ATF7: variants seen among roughly 807,000 people sequenced by gnomAD.
ATF7 encodes cyclic AMP-dependent transcription factor ATF-7.
In ATF7, 10 loss-of-function variants were observed where a neutral mutation model predicts 50.4. The observed-to-expected ratio is 0.20, with a 90% confidence interval of 0.12 to 0.34. The LOEUF (loss-of-function observed/expected upper bound fraction) is 0.34, where lower values mean the gene tolerates loss of function less well. ATF7 is among the 10% of genes least tolerant of loss of function. The pLI, the probability that ATF7 is intolerant of heterozygous loss-of-function variation, is 1.00. For synonymous variants in ATF7, 201 were observed against 226.4 expected, an observed-to-expected ratio of 0.89 and a Z score of 1.01; for missense variants, 465 against 613.9, an observed-to-expected ratio of 0.76 and a Z score of 2.56.
rs1383860323 is a variant in ATF7, at chr12:53,604,631, T to C, written c.-21-3610A>G. On this transcript the variant is annotated intron_variant, in intron 1 of 11. Transcript: ENST00000420353. ...TAGTAACCAACTGATGTTAATAAGA[T>C]GGCCCAACTCTAAGCAAGGAATAAA... Among the ~76,000 whole-genome samples, 6 of 152,312 alleles carry C rather than the reference T, an allele frequency of 3.9e-5. No homozygotes were observed. The East Asian group carries it at 9.6e-4, about 24-fold the overall frequency.
At chr12:53,597,726 G>A (rs142936212) in intron 2 of ATF7, among the ~76,000 whole-genome samples, 49 of 150,972 alleles carry the variant, frequency 3.2e-4, no homozygotes, top group African/African-American at 1.0e-3. Flanking sequence ...GGAGAATGGC[G>A]TGAACCCAGG....
intron 7 of ATF7, 117 bp downstream of exon 7, chr12:53,533,043 G>T: frequency 1.1e-6 from 1 of 907,090 alleles, no homozygotes; most frequent in Non-Finnish European, 1.7e-6. Context: ...GCCATGCTCA[G>T]CTAATATAGA....
chr12:53,585,577 A>T lies in ATF7; in HGVS notation c.48+15376T>A, dbSNP rs1284027340. Among the ~76,000 whole-genome samples, 3 of 152,340 alleles carry T rather than the reference A, an allele frequency of 2.0e-5. No homozygotes were observed. In the South Asian group the frequency reaches 6.2e-4, roughly 32 times the overall value. On this transcript the variant is annotated intron_variant, in intron 2 of 11. Transcript: ENST00000420353. The stretch of plus-strand genomic sequence containing the variant: ...ATGAAAAAAGAAAAGACTGAAAACC[A>T]CTAAGTAAATGTGAATAGCTTCTTG...
chr12:53,556,583 G>C (rs886600321), intron 2 of ATF7, among the ~76,000 whole-genome samples: 4 of 152,182 alleles, frequency 2.6e-5, no homozygotes, highest in Admixed American at 2.6e-4. Context: ...GGCAACAAGA[G>C]CAAGACTCCA....
intron 5 of ATF7, 116 bp from the exon 6 acceptor site, chr12:53,534,775 A>C (rs1170600206): frequency 8.6e-7 from 1 of 1,169,144 alleles, no homozygotes; most frequent in Non-Finnish European, 1.2e-6. Context: ...CCACTCATTA[A>C]ATCATGACCT....
intron 1 of ATF7, among the ~76,000 whole-genome samples, chr12:53,613,765 C>T (rs1027778238): frequency 7.1e-6 from 1 of 141,152 alleles, no homozygotes; most frequent in African/African-American, 2.6e-5. Flanking sequence ...AAGCAATCCC[C>T]CCACCCCCAC....
chr12:53,607,682 C>T (rs995385630), intron 1 of ATF7, among the ~76,000 whole-genome samples: 22 of 151,864 alleles, frequency 1.4e-4, no homozygotes, highest in Admixed American at 1.2e-3. Flanking sequence ...ATTGTACATG[C>T]ACCATAATTG....
intron 2 of ATF7, among the ~76,000 whole-genome samples, chr12:53,577,760 C>T (rs1229037956): frequency 6.7e-6 from 1 of 150,164 alleles, no homozygotes; most frequent in African/African-American, 2.5e-5. Context: ...AAGAAACACA[C>T]ACAATATTTG....
chr12:53,577,044 A>G lies in ATF7; in HGVS notation c.48+23909T>C, dbSNP rs563988578. Among the ~76,000 whole-genome samples, 3 of 152,300 alleles carry G rather than the reference A, an allele frequency of 2.0e-5. No homozygotes were observed. The South Asian group carries it at 6.2e-4, about 32-fold the overall frequency. On this transcript the variant is annotated intron_variant, in intron 2 of 11. Transcript: ENST00000420353. ...GCAATCCAGCCTGGGTGACCAAGAGAGAATCTGTCTCAAAAAACAAAAAAG... is the reference window on the plus strand; with the variant it reads ...GCAATCCAGCCTGGGTGACCAAGAGGGAATCTGTCTCAAAAAACAAAAAAG...
At chr12:53,578,884 C>T (rs1444367650) in intron 2 of ATF7, among the ~76,000 whole-genome samples, 3 of 152,006 alleles carry the variant, frequency 2.0e-5, no homozygotes, top group Non-Finnish European at 2.9e-5. Flanking sequence ...GGCTTCTGCC[C>T]GTGCTGTGTA....
chr12:53,528,029 G>A (rs1190845731), intron 9 of ATF7, among the ~76,000 whole-genome samples: 1 of 151,772 alleles, frequency 6.6e-6, no homozygotes, highest in Admixed American at 6.6e-5. Context: ...TTTTAGTAGA[G>A]ACAGGGTTTC....
At chr12:53,572,480 G>A (rs943589123) in intron 2 of ATF7, among the ~76,000 whole-genome samples, 39 of 152,270 alleles carry the variant, frequency 2.6e-4, no homozygotes, top group African/African-American at 7.5e-4. Context: ...CCCCCACACC[G>A]TTGTGAGATT....
At chr12:53,568,936 A>C (rs566335075) in intron 2 of ATF7, among the ~76,000 whole-genome samples, 16 of 151,966 alleles carry the variant, frequency 1.1e-4, no homozygotes, top group Non-Finnish European at 1.9e-4. Context: ...CTGAGGCAGG[A>C]GGATCACCTG....
Position 53,534,111 on chromosome 12 carries a change from A to C in ATF7, c.560+391T>G, listed in dbSNP as rs548147201. On this transcript the variant is annotated intron_variant, in intron 6 of 11. Transcript: ENST00000420353. ...GCTAACACGGTGAAACCCCGTCTCT[A>C]CTAAAAATACAAAAAATTAGCTGGG... is the stretch of plus-strand genomic sequence containing the variant. Among the ~76,000 whole-genome samples, 445 of 152,270 alleles carry C rather than the reference A, an allele frequency of 2.9e-3. 5 individuals are homozygous for C. Among genetic ancestry groups the C allele is most frequent in the South Asian group, 0.024 (115 of 4,830 alleles).
chr12:53,550,009 C>T (rs1021276669), intron 3 of ATF7, among the ~76,000 whole-genome samples: 2 of 152,080 alleles, frequency 1.3e-5, no homozygotes, highest in African/African-American at 2.4e-5. Flanking sequence ...TGAGCCACCG[C>T]GTCCAGCCTT....
intron 2 of ATF7, among the ~76,000 whole-genome samples, chr12:53,560,976 CACTCTGT>C (rs1565954429): frequency 6.8e-6 from 1 of 147,526 alleles, no homozygotes; most frequent in Non-Finnish European, 1.5e-5. Context: ...CACAGGGTCT[CACTCTGT>C]AGCTCAGGCT....
chr12:53,555,008 T>TA (rs1273431869), intron 2 of ATF7, among the ~76,000 whole-genome samples: 3 of 152,188 alleles, frequency 2.0e-5, no homozygotes, highest in African/African-American at 7.2e-5. Context: ...CACCATCTTT[T>TA]TCAGTTACAG....
intron 2 of ATF7, among the ~76,000 whole-genome samples, chr12:53,599,963 G>A (rs915827730): frequency 2.0e-5 from 3 of 151,846 alleles, no homozygotes; most frequent in Non-Finnish European, 2.9e-5. Flanking sequence ...AAAAAAAGGC[G>A]ATTTCAACAA....
chr12:53,597,508 T>C (rs1266537808), intron 2 of ATF7, among the ~76,000 whole-genome samples: 1 of 152,114 alleles, frequency 6.6e-6, no homozygotes, highest in Non-Finnish European at 1.5e-5. Flanking sequence ...TATAGTTTTG[T>C]TTGTTTTTTA....
Sources: gnomAD v4.1 joint callset for allele counts (sites outside exome capture counted in the v4.1 genomes callset) on GRCh38, gnomAD v4.1.1 for gene constraint, MANE v1.5 for transcripts, NCBI Gene and HGNC (gene_info 2026-07-23, HGNC 2026-07-21) for gene names.